Variants in STS observed in about 807,000 individuals in gnomAD.
STS encodes the protein steroid sulfatase.
A neutral mutation model predicts 26.8 loss-of-function variants in STS; 7 were observed. The observed-to-expected ratio is 0.26, with a 90% CI of 0.15 to 0.49. STS has a LOEUF of 0.49. STS is among the 20% of genes least tolerant of loss of function. The pLI, the probability that STS is intolerant of heterozygous loss-of-function variation, is 0.98. For missense variants in STS, 434 were observed against 465.6 expected (o/e 0.93, Z 0.63); for synonymous variants, 199 against 189.4 (o/e 1.05, Z -0.42).
chrX:7,242,963 C>T (rs923702629), intron 2 of STS, among the ~76,000 whole-genome samples: 8 of 112,263 alleles, frequency 7.1e-5, no homozygotes, highest in Admixed American at 6.6e-4. Context: ...GAAATAGATT[C>T]GGTTGAATTC....
At chrX:7,169,475 T>C (rs1601626275) in intron 1 of STS, among the ~76,000 whole-genome samples, 1 of 112,482 alleles carries the variant, frequency 8.9e-6, no homozygotes, top group East Asian at 2.8e-4. Context: ...TTCGCTATTG[T>C]GAATAATACT....
intron 2 of STS, among the ~76,000 whole-genome samples, chrX:7,236,692 A>G (rs932876875): frequency 4.4e-5 from 5 of 112,371 alleles, no homozygotes; most frequent in Non-Finnish European, 7.5e-5. Context: ...TATAAACTTG[A>G]AAAAGCATTT....
intron 6 of STS, 21 bp from the exon 7 acceptor site, chrX:7,275,929 CT>C (rs748041421): frequency 0.19 from 159,474 of 835,553 alleles, 40 homozygotes; most frequent in East Asian, 0.22. Flanking sequence ...TTTTTCCTCC[CT>C]TTTTTTTTTT....
At chrX:7,148,277 T>C in intron 1 of STS, 194 bp downstream of exon 1, 2 of 280,840 alleles carry the variant, frequency 7.1e-6, no homozygotes, top group Non-Finnish European at 1.3e-5. Flanking sequence ...CTGGGCTGCC[T>C]AGTGGCGCTC....
chrX:7,272,614 C>T (rs901668193), intron 6 of STS, among the ~76,000 whole-genome samples: 64 of 111,980 alleles, frequency 5.7e-4, no homozygotes, highest in African/African-American at 2.0e-3. Context: ...ATTGCATTCC[C>T]AAGGCCCTGT....
At chrX:7,186,960 C>T (rs2147011590) in intron 1 of STS, among the ~76,000 whole-genome samples, 1 of 111,439 alleles carries the variant, frequency 9.0e-6, no homozygotes, top group South Asian at 3.8e-4. Flanking sequence ...GACCTCAGCT[C>T]ATTTCAGAGG....
chrX:7,219,565 T>C, intron 2 of STS: 1 of 1,207,629 alleles, frequency 8.3e-7, no homozygotes. Flanking sequence ...CATGGGAATA[T>C]GCTTATTAAA....
intron 7 of STS, among the ~76,000 whole-genome samples, chrX:7,279,292 AATATAT>A (rs1187465371): frequency 1.6e-5 from 1 of 62,772 alleles, no homozygotes; most frequent in East Asian, 5.3e-4. Context: ...AAAAAAAAAA[AATATAT>A]ATATATATAT....
intron 3 of STS, among the ~76,000 whole-genome samples, chrX:7,256,667 C>G (rs1048310674): frequency 2.7e-5 from 3 of 111,580 alleles, no homozygotes; most frequent in Non-Finnish European, 5.6e-5. Flanking sequence ...CCCTTACTTT[C>G]CCTCCCTGCA....
At chrX:7,165,489 A>G (rs1019584230) in intron 1 of STS, among the ~76,000 whole-genome samples, 3 of 110,126 alleles carry the variant, frequency 2.7e-5, no homozygotes, top group Admixed American at 9.8e-5. Context: ...AAGTAAAAAA[A>G]TAAAATATCA....
intron 2 of STS, among the ~76,000 whole-genome samples, chrX:7,204,230 TC>T (rs1934138269): frequency 8.9e-6 from 1 of 112,102 alleles, no homozygotes; most frequent in African/African-American, 3.2e-5. Context: ...ATTTATTTTT[TC>T]TTCAAGTCTC....
At chrX:7,299,535 T>C (rs966108443) in intron 7 of STS, among the ~76,000 whole-genome samples, 7 of 108,366 alleles carry the variant, frequency 6.5e-5, no homozygotes, top group Admixed American at 2.1e-4. Context: ...AGCCTAATGC[T>C]TCCAAAAGTA....
intron 1 of STS, among the ~76,000 whole-genome samples, chrX:7,183,601 G>A (rs1933720519): frequency 8.9e-6 from 1 of 112,397 alleles, no homozygotes; most frequent in African/African-American, 3.2e-5. Flanking sequence ...ATGTAATCTT[G>A]CAAAAGAAGA....
chrX:7,323,651 C>G (rs1041132256), intron 8 of STS, among the ~76,000 whole-genome samples: 5 of 111,861 alleles, frequency 4.5e-5, no homozygotes, highest in Non-Finnish European at 7.5e-5. Flanking sequence ...AATTTCATGT[C>G]TGCTATTGTG....
chrX:7,155,540 TA>T (rs1933115546), intron 1 of STS, among the ~76,000 whole-genome samples: 1 of 112,484 alleles, frequency 8.9e-6, no homozygotes, highest in Admixed American at 9.4e-5. Context: ...ATAATCTATA[TA>T]AATAATATAT....
At chrX:7,278,110 C>T (rs1426025226) in intron 7 of STS, among the ~76,000 whole-genome samples, 3 of 112,430 alleles carry the variant, frequency 2.7e-5, no homozygotes, top group African/African-American at 9.7e-5. Flanking sequence ...TCAAGACCTG[C>T]CTTAGCCCCT....
intron 1 of STS, among the ~76,000 whole-genome samples, chrX:7,159,005 T>C (rs1201187075): frequency 8.9e-6 from 1 of 111,894 alleles, no homozygotes; most frequent in Non-Finnish European, 1.9e-5. Context: ...GAAAATGGGC[T>C]AACACTGCTA....
At chrX:7,300,064 G>C (rs1313093766) in intron 7 of STS, among the ~76,000 whole-genome samples, 2 of 111,669 alleles carry the variant, frequency 1.8e-5, no homozygotes, top group African/African-American at 3.3e-5. Flanking sequence ...TAGAATTTAG[G>C]CTTCCTCTGC....
chrX:7,190,612 T>C (rs1038505771), intron 1 of STS, among the ~76,000 whole-genome samples: 4 of 110,037 alleles, frequency 3.6e-5, no homozygotes, highest in African/African-American at 1.3e-4. Flanking sequence ...AACCTGTCTC[T>C]ACCAAAATTA....
Sources: allele counts gnomAD v4.1 joint callset (sites outside exome capture counted in the v4.1 genomes callset), GRCh38; gene constraint gnomAD v4.1.1; transcripts MANE v1.5; gene names NCBI Gene and HGNC (gene_info 2026-07-23, HGNC 2026-07-21).